The following NGEF variants were observed in gnomAD, a reference collection of about 807,000 sequenced individuals.
NGEF encodes the protein neuronal guanine nucleotide exchange factor.
In NGEF, 31 loss-of-function variants were observed where a neutral mutation model predicts 80.9. The ratio of observed to expected loss-of-function variants is 0.38; its 90% CI spans 0.29 to 0.52. NGEF has a LOEUF of 0.52. Ranked by LOEUF, NGEF falls within the 20% of genes least tolerant of loss-of-function variation. NGEF has a pLI of 0.84. For synonymous variants in NGEF, 371 were observed against 370.2 expected (o/e 1.00, Z -0.03); for missense variants, 709 against 926.2 (o/e 0.77, Z 3.04).
intron 3 of NGEF, among the ~76,000 whole-genome samples, chr2:232,962,048 G>A (rs1693963825): frequency 6.6e-6 from 1 of 152,188 alleles, no homozygotes; most frequent in Non-Finnish European, 1.5e-5. Flanking sequence ...GAGTCTCCAG[G>A]ATCCAGCATC....
At chr2:232,895,162 C>T (rs994642725) in intron 5 of NGEF, among the ~76,000 whole-genome samples, 3 of 152,164 alleles carry the variant, frequency 2.0e-5, no homozygotes, top group Non-Finnish European at 4.4e-5. Context: ...AGGCTACTCC[C>T]TGTGAGAGAA....
chr2:232,961,810 C>T (rs554144864), intron 3 of NGEF, among the ~76,000 whole-genome samples: 5 of 152,070 alleles, frequency 3.3e-5, no homozygotes, highest in Non-Finnish European at 5.9e-5. Context: ...AAAAAGAGTC[C>T]CCAGTGGCTG....
chr2:232,974,916 CA>C lies in NGEF; in HGVS notation c.-27del. On this transcript the variant is annotated 5_prime_UTR_variant, in exon 2 of 15. The change abolishes the stop of an existing upstream ORF in the 5' untranslated region. Transcript: ENST00000264051. The stretch of plus-strand genomic sequence containing the variant: ...GGAAATAGAGCCAGATGTTTCTCAG[CA>C]GAACGACTGGAGGTCAATGACTTTC... 5.0e-6 allele frequency: 8 copies of C among 1,605,644 alleles called. No individual in the cohort carries two copies. Among genetic ancestry groups the C allele is most frequent in the Non-Finnish European group, 6.8e-6 (8 of 1,176,380 alleles).
At chr2:232,896,156 C>A (rs1562288) in intron 5 of NGEF, among the ~76,000 whole-genome samples, 1 of 152,088 alleles carries the variant, frequency 6.6e-6, no homozygotes, top group South Asian at 2.1e-4. Context: ...ACCCCAGCAC[C>A]TGTGAATGGG....
At position 232,974,639 on chromosome 2, in the gene NGEF, G is replaced by A. The variant is rs780180741; in HGVS notation, c.252C>T (p.Asn84=). 32 of 1,613,916 alleles carry A rather than the reference G, an allele frequency of 2.0e-5. No homozygotes were observed. Among genetic ancestry groups the A allele is most frequent in the East Asian group, 2.2e-5 (1 of 44,902 alleles). Residue 84 remains asparagine, a synonymous_variant, in exon 2 of 15, where the codon AAC becomes AAT. Transcript: ENST00000264051. ...GATACTGACCTGCCAGGCAGCTGGC[G>A]TTCCGTTCGGGGTTGTCTCTGGCCT... ...KAKARDNPER[N]ASCLADSQDN... is the part of the protein sequence containing the mutation.
chr2:232,893,162 C>T (rs1479463777), intron 6 of NGEF, 112 bp from the exon 7 acceptor site: 6 of 1,078,518 alleles, frequency 5.6e-6, no homozygotes, highest in African/African-American at 1.5e-5. Flanking sequence ...GCAGTGTGCA[C>T]GGTGAGCGTA....
chr2:232,901,492 A>G, intron 5 of NGEF: 10 of 957,972 alleles, frequency 1.0e-5, no homozygotes, highest in Non-Finnish European at 1.2e-5. Flanking sequence ...TGATGCTGTG[A>G]CCTTCGATGC....
rs569979926 is a variant in NGEF, at chr2:232,924,380, G to T, written c.526+2664C>A. Among the ~76,000 whole-genome samples, 3 of 152,184 alleles carry T rather than the reference G, an allele frequency of 2.0e-5. No individual in the cohort carries two copies. In the South Asian group the frequency reaches 6.2e-4, roughly 32 times the overall value. On this transcript the variant is annotated intron_variant, in intron 4 of 14. Coordinates refer to ENST00000264051, the MANE Select transcript of NGEF (RefSeq NM_019850.3). ...CCCTCAGCAGACGCTGAATCTGTTG[G>T]CACCGTGATCTTGGACTTCCCAACC...
intron 3 of NGEF, among the ~76,000 whole-genome samples, chr2:232,961,650 G>A (rs749494028): frequency 1.3e-5 from 2 of 149,880 alleles, no homozygotes; most frequent in African/African-American, 4.9e-5. Context: ...CCGCCACCAC[G>A]CCCAGCTAAT....
chr2:232,888,345 C>T (rs947848044), intron 8 of NGEF, among the ~76,000 whole-genome samples: 1 of 147,696 alleles, frequency 6.8e-6, no homozygotes, highest in African/African-American at 2.5e-5. Context: ...ATGATGCACA[C>T]CTGCAAGCAG....
chr2:233,000,528 C>T (rs1195340003), intron 1 of NGEF, among the ~76,000 whole-genome samples: 4 of 152,048 alleles, frequency 2.6e-5, no homozygotes, highest in African/African-American at 4.8e-5. Flanking sequence ...GAGGCCGAGG[C>T]GGGTGGATCA....
intron 11 of NGEF, 79 bp downstream of exon 11, chr2:232,883,902 C>T: frequency 7.0e-7 from 1 of 1,432,266 alleles, no homozygotes; most frequent in Non-Finnish European, 9.3e-7. Flanking sequence ...CACCCCCAAC[C>T]CCCAGGCCAC....
At position 232,956,092 on chromosome 2, in the gene NGEF, C is replaced by T. The variant is rs187024403; in HGVS notation, c.383+14122G>A. 8.4e-4 allele frequency among the ~76,000 whole-genome samples: 128 copies of T among 152,218 alleles called. 1 individual carries two copies. Among genetic ancestry groups the T allele is most frequent in the Middle Eastern group, 3.4e-3 (1 of 294 alleles). On this transcript the variant is annotated intron_variant, in intron 3 of 14. Transcript: ENST00000264051. ...GTCTACTGTGTTTGCTGGTTTCAGACGCCGCTCCTTTCCTTGTAAATATGA... is the reference window on the plus strand; with the variant it reads ...GTCTACTGTGTTTGCTGGTTTCAGATGCCGCTCCTTTCCTTGTAAATATGA...
intron 2 of NGEF, among the ~76,000 whole-genome samples, chr2:232,973,729 G>C (rs377117613): frequency 6.6e-6 from 1 of 152,178 alleles, no homozygotes; most frequent in South Asian, 2.1e-4. Flanking sequence ...TGACTGCAGA[G>C]GTTAGGTAAA....
intron 3 of NGEF, 88 bp downstream of exon 3, chr2:232,970,126 A>T: frequency 1.7e-6 from 1 of 585,562 alleles, no homozygotes; most frequent in East Asian, 3.1e-5. Context: ...TTAACATGAC[A>T]CCCTCGTAAC....
rs867665468 is a variant in NGEF at position 232,938,339 on chromosome 2, A to T, written c.384-11153T>A. ...CCATATCACCAATTATGAGATGCAGACTATCGCATAGCCTTCATGGAAACG... is the reference window on the plus strand; with the variant it reads ...CCATATCACCAATTATGAGATGCAGTCTATCGCATAGCCTTCATGGAAACG... On this transcript the variant is annotated intron_variant, in intron 3 of 14. Coordinates refer to ENST00000264051, the MANE Select transcript of NGEF (RefSeq NM_019850.3). Among the ~76,000 whole-genome samples, 59 of 152,310 alleles carry T rather than the reference A, an allele frequency of 3.9e-4. 2 individuals are homozygous for T. The Middle Eastern group carries it at 0.024, about 61-fold the overall frequency.
At chr2:232,941,940 C>T (rs1163104892) in intron 3 of NGEF, among the ~76,000 whole-genome samples, 1 of 152,182 alleles carries the variant, frequency 6.6e-6, no homozygotes, top group Non-Finnish European at 1.5e-5. Flanking sequence ...AAAATAGTCC[C>T]TTTTCCAGAA....
chr2:232,901,768 G>A (rs1692363256), intron 5 of NGEF, among the ~76,000 whole-genome samples: 1 of 152,264 alleles, frequency 6.6e-6, no homozygotes, highest in Non-Finnish European at 1.5e-5. Flanking sequence ...TTGCCTGGAG[G>A]GAGGGAGGGG....
intron 5 of NGEF, among the ~76,000 whole-genome samples, chr2:232,895,730 C>A (rs1411750828): frequency 6.6e-6 from 1 of 152,064 alleles, no homozygotes; most frequent in Non-Finnish European, 1.5e-5. Flanking sequence ...GGGATGTTTA[C>A]CTTTTTACCT....
Sources: gnomAD v4.1 joint callset for allele counts (sites outside exome capture counted in the v4.1 genomes callset) on GRCh38, gnomAD v4.1.1 for gene constraint, MANE v1.5 for transcripts, NCBI Gene and HGNC (gene_info 2026-07-23, HGNC 2026-07-21) for gene names.